The following LRP1B variants were observed in gnomAD, a reference collection of about 807,000 sequenced individuals.
The protein encoded by LRP1B is low-density lipoprotein receptor-related protein 1B.
In LRP1B, 217 loss-of-function variants were observed where a neutral mutation model predicts 556.6. That is an observed-to-expected ratio of 0.39 (90% CI 0.35 to 0.44). The LOEUF (loss-of-function observed/expected upper bound fraction) is 0.44. Among genes scored for constraint, LRP1B ranks in the 20% least tolerant of loss-of-function variants. The pLI, the probability that LRP1B is intolerant of heterozygous loss-of-function variation, is 1.00. For synonymous variants in LRP1B, 2,047 were observed against 1,865.8 expected (o/e 1.10, Z -2.50); for missense variants, 5,053 against 5,620.8 (o/e 0.90, Z 3.23).
chr2:141,396,587 G>C (rs866961809), intron 3 of LRP1B, among the ~76,000 whole-genome samples: 10 of 151,998 alleles, frequency 6.6e-5, no homozygotes, highest in African/African-American at 2.4e-4. Context: ...ATGCCCTGAC[G>C]TTCTGACACT....
intron 3 of LRP1B, among the ~76,000 whole-genome samples, chr2:141,399,651 A>G (rs998568175): frequency 6.6e-6 from 1 of 152,220 alleles, no homozygotes; most frequent in African/African-American, 2.4e-5. Context: ...CTGAAGCAAT[A>G]TTACTAATAG....
chr2:141,280,470 T>C (rs768570666), intron 3 of LRP1B, among the ~76,000 whole-genome samples: 2 of 152,150 alleles, frequency 1.3e-5, no homozygotes, highest in Non-Finnish European at 2.9e-5. Flanking sequence ...ACATATAAGC[T>C]ATTAAGTTGG....
intron 2 of LRP1B, among the ~76,000 whole-genome samples, chr2:141,802,769 G>A (rs149568288): frequency 5.3e-5 from 8 of 152,150 alleles, no homozygotes; most frequent in East Asian, 1.9e-4. Context: ...AGAATAAAGC[G>A]TCCTCCGGGA....
At chr2:141,551,508 G>T (rs1434170799) in intron 2 of LRP1B, among the ~76,000 whole-genome samples, 1 of 151,986 alleles carries the variant, frequency 6.6e-6, no homozygotes, top group Non-Finnish European at 1.5e-5. Flanking sequence ...TTTATTAGGA[G>T]TTTTTATCAA....
chr2:141,235,000 CA>C (rs1466905496), intron 5 of LRP1B, among the ~76,000 whole-genome samples: 1 of 151,818 alleles, frequency 6.6e-6, no homozygotes, highest in African/African-American at 2.4e-5. Context: ...TATTTTTTAA[CA>C]AAAAAGCTCT....
intron 1 of LRP1B, among the ~76,000 whole-genome samples, chr2:142,035,193 T>A (rs569629342): frequency 6.6e-6 from 1 of 151,862 alleles, no homozygotes; most frequent in East Asian, 1.9e-4. Context: ...GCAAAGATGC[T>A]GATGCTGAGT....
chr2:140,978,748 A>G (rs1696679042), intron 18 of LRP1B, among the ~76,000 whole-genome samples: 1 of 152,200 alleles, frequency 6.6e-6, no homozygotes, highest in South Asian at 2.1e-4. Flanking sequence ...TTAAATAACA[A>G]TCTGAAAGGT....
chr2:141,706,534 C>A (rs544870270), intron 2 of LRP1B, among the ~76,000 whole-genome samples: 1 of 152,198 alleles, frequency 6.6e-6, no homozygotes, highest in East Asian at 1.9e-4. Context: ...CACCAACCTG[C>A]TTCCAAGTCC....
intron 11 of LRP1B, among the ~76,000 whole-genome samples, chr2:141,035,976 A>T (rs981888485): frequency 3.3e-5 from 5 of 152,134 alleles, no homozygotes; most frequent in Non-Finnish European, 7.3e-5. Flanking sequence ...TCCTATTTGC[A>T]CTCATGAACT....
At chr2:141,209,087 G>A (rs1009253009) in intron 6 of LRP1B, among the ~76,000 whole-genome samples, 4 of 151,928 alleles carry the variant, frequency 2.6e-5, no homozygotes, top group Admixed American at 1.3e-4. Flanking sequence ...CACAGACACA[G>A]CACTACAATA....
At chr2:141,608,798 C>G (rs1019951604) in intron 2 of LRP1B, among the ~76,000 whole-genome samples, 3 of 152,148 alleles carry the variant, frequency 2.0e-5, no homozygotes, top group Non-Finnish European at 4.4e-5. Context: ...TTGATTCTCA[C>G]AAAATGCTTC....
chr2:140,626,152 T>A (rs1683649233), intron 41 of LRP1B, among the ~76,000 whole-genome samples: 1 of 152,168 alleles, frequency 6.6e-6, no homozygotes, highest in African/African-American at 2.4e-5. Flanking sequence ...TGATTCCATA[T>A]ATGACCTTCT....
At chr2:140,714,762 G>T (rs946882026) in intron 37 of LRP1B, among the ~76,000 whole-genome samples, 4 of 152,036 alleles carry the variant, frequency 2.6e-5, no homozygotes, top group African/African-American at 9.7e-5. Flanking sequence ...ATTTATTACA[G>T]CCAGGCACGG....
At chr2:141,817,114 T>C (rs7580194) in intron 1 of LRP1B, among the ~76,000 whole-genome samples, 22,562 of 152,146 alleles carry the variant, frequency 0.15, 1,961 homozygotes, top group African/African-American at 0.23. Context: ...AATCAGAAGC[T>C]AAACATGTTG....
chr2:140,799,968 G>T (rs1690450300), intron 32 of LRP1B, among the ~76,000 whole-genome samples: 1 of 152,138 alleles, frequency 6.6e-6, no homozygotes, highest in Non-Finnish European at 1.5e-5. Context: ...CATTGCCTCA[G>T]CCAGGAAACT....
At chr2:141,480,237 T>A (rs1190074036) in intron 3 of LRP1B, 159 bp downstream of exon 3, 1 of 761,486 alleles carries the variant, frequency 1.3e-6, no homozygotes, top group Non-Finnish European at 2.2e-6. Flanking sequence ...ACTTGCAGCT[T>A]TGAAATGCAT....
At chr2:141,603,050 A>G (rs6761937) in intron 2 of LRP1B, among the ~76,000 whole-genome samples, 3,574 of 152,268 alleles carry the variant, frequency 0.023, 140 homozygotes, top group African/African-American at 0.082. Flanking sequence ...TTTTCCTCAT[A>G]AAAGACACAA....
chr2:140,266,705 C>T (rs1289974179), intron 86 of LRP1B, among the ~76,000 whole-genome samples: 1 of 151,940 alleles, frequency 6.6e-6, no homozygotes, highest in Non-Finnish European at 1.5e-5. Flanking sequence ...TCCTATAAAA[C>T]TACAATATGT....
intron 7 of LRP1B, among the ~76,000 whole-genome samples, chr2:141,109,891 C>T (rs912680876): frequency 2.6e-5 from 4 of 152,066 alleles, no homozygotes; most frequent in African/African-American, 9.7e-5. Flanking sequence ...GCATATTGCT[C>T]AAGGCTTATC....
Sources: allele counts gnomAD v4.1 joint callset (sites outside exome capture counted in the v4.1 genomes callset), GRCh38; gene constraint gnomAD v4.1.1; transcripts MANE v1.5; gene names NCBI Gene and HGNC (gene_info 2026-07-23, HGNC 2026-07-21).